Variants in GAPVD1 observed in about 807,000 individuals in gnomAD.
The protein encoded by GAPVD1 is GTPase-activating protein and VPS9 domain-containing protein 1.
A neutral mutation model predicts 155.5 loss-of-function variants in GAPVD1; 35 were observed. That is an observed-to-expected ratio of 0.23 (90% confidence interval 0.17 to 0.30). The LOEUF (loss-of-function observed/expected upper bound fraction) is 0.30, where lower values mean the gene tolerates loss of function less well. Among genes scored for constraint, GAPVD1 ranks in the 10% least tolerant of loss-of-function variants. The probability of loss-of-function intolerance (pLI) is 1.00; values close to 1 mark genes in which losing one functional copy is unlikely to be tolerated. For synonymous variants in GAPVD1, 636 were observed against 619.7 expected (o/e 1.03, Z -0.39); for missense variants, 1,429 against 1,775.7 (o/e 0.80, Z 3.51).
intron 13 of GAPVD1, among the ~76,000 whole-genome samples, chr9:125,330,838 A>T (rs562205464): frequency 1.3e-5 from 2 of 152,216 alleles, no homozygotes; most frequent in African/African-American, 2.4e-5. Context: ...CCACAAACTC[A>T]TGACAGGATA....
At chr9:125,266,217 C>T (rs1037986222) in intron 1 of GAPVD1, among the ~76,000 whole-genome samples, 2 of 151,374 alleles carry the variant, frequency 1.3e-5, no homozygotes, top group Admixed American at 1.3e-4. Context: ...ATCTCCGTCT[C>T]CCGGGTTCCA....
chr9:125,300,038 AATATATATATATATATATATATATAT>A (rs1161744056), intron 4 of GAPVD1, among the ~76,000 whole-genome samples: 1 of 22,926 alleles, frequency 4.4e-5, no homozygotes, highest in African/African-American at 2.0e-4. Flanking sequence ...AAAAAAAAAA[AATATATATATATATATATATATATAT>A]ATATATATAT....
At position 125,364,086 on chromosome 9, in the gene GAPVD1, T is replaced by C. The variant is rs970474354; in HGVS notation, c.*1340T>C. ...TTTTTAACAAACTCAGCCCCATACT[T>C]GAGTCCCTTGTTGTTGGGAGCATTT... On this transcript the variant is annotated 3_prime_UTR_variant, in exon 28 of 28. Coordinates refer to ENST00000297933, the MANE Select transcript of GAPVD1 (RefSeq NM_001282680.3). 17 of 152,398 alleles carry C rather than the reference T, an allele frequency of 1.1e-4. No homozygotes were observed. The highest frequency in any genetic ancestry group is 7.9e-4 in the Admixed American group (12 of 15,282). The allele number at this position is 152,398 out of a possible 1,614,324, so 9.4% of individuals were successfully genotyped here. A position where few individuals can be genotyped will look rare whatever the true frequency, so the allele number is the denominator to read the frequency against.
chr9:125,342,863 AGC>A (rs1848010604), intron 19 of GAPVD1, among the ~76,000 whole-genome samples: 1 of 152,206 alleles, frequency 6.6e-6, no homozygotes, highest in Non-Finnish European at 1.5e-5. Flanking sequence ...AATTTTTTAC[AGC>A]TTGAACCATT....
At chr9:125,354,575 G>C (rs1849791071) in intron 23 of GAPVD1, 79 bp from the exon 24 acceptor site, 2 of 933,296 alleles carry the variant, frequency 2.1e-6, no homozygotes, top group Non-Finnish European at 1.7e-6. Context: ...TTTTTCTAAA[G>C]AAAAGTTAGG....
At chr9:125,333,485 C>CTTT (rs36083522) in intron 15 of GAPVD1, among the ~76,000 whole-genome samples, 9 of 124,352 alleles carry the variant, frequency 7.2e-5, no homozygotes, top group South Asian at 2.7e-4. Context: ...TACCTTTTGT[C>CTTT]TTTTTTTTTT....
At chr9:125,288,695 G>A (rs768085026) in intron 2 of GAPVD1, among the ~76,000 whole-genome samples, 24 of 152,104 alleles carry the variant, frequency 1.6e-4, no homozygotes, top group Non-Finnish European at 3.4e-4. Context: ...CATTCATTTA[G>A]CAAGTACATA....
intron 20 of GAPVD1, among the ~76,000 whole-genome samples, chr9:125,347,782 C>T (rs535438376): frequency 1.5e-4 from 23 of 151,806 alleles, no homozygotes; most frequent in Non-Finnish European, 2.5e-4. Context: ...CTTATATGCA[C>T]GTAGAGTATC....
intron 1 of GAPVD1, among the ~76,000 whole-genome samples, chr9:125,267,316 G>A (rs1564240647): frequency 1.3e-5 from 2 of 152,156 alleles, no homozygotes; most frequent in African/African-American, 2.4e-5. Context: ...GTTCAGTTGC[G>A]CTATCAGGGA....
chr9:125,359,700 T>A, intron 26 of GAPVD1: 1 of 506,558 alleles, frequency 2.0e-6, no homozygotes, highest in Non-Finnish European at 3.5e-6. Context: ...AAGCCAGTTG[T>A]GAGGAGCCCT....
intron 9 of GAPVD1, 129 bp from the exon 10 acceptor site, chr9:125,321,304 C>T (rs1379802660): frequency 1.6e-6 from 1 of 621,818 alleles, no homozygotes; most frequent in South Asian, 2.0e-5. Flanking sequence ...CTTGACAGAC[C>T]TTCTAAATAG....
At chr9:125,349,309 G>T (rs1848971428) in intron 20 of GAPVD1, 81 bp from the exon 21 acceptor site, 2 of 1,145,018 alleles carry the variant, frequency 1.7e-6, no homozygotes, top group Admixed American at 2.1e-5. Flanking sequence ...ATTTATTCTT[G>T]AGTTGCTCTG....
intron 15 of GAPVD1, 24 bp from the exon 16 acceptor site, chr9:125,336,994 C>G: frequency 6.9e-7 from 1 of 1,456,736 alleles, no homozygotes; most frequent in South Asian, 1.1e-5. Flanking sequence ...CTGGCTTGGT[C>G]TCACAGTTTC....
chr9:125,284,492 TAA>T (rs1837322233), intron 2 of GAPVD1, among the ~76,000 whole-genome samples: 1 of 151,310 alleles, frequency 6.6e-6, no homozygotes, highest in African/African-American at 2.4e-5. Context: ...TTTTTTTTTT[TAA>T]AGAGACAGGG....
rs1589157664 is a variant in GAPVD1, at chr9:125,362,864, G to A, written c.*118G>A. 5.4e-5 allele frequency: 41 copies of A among 759,728 alleles called. No individual in the cohort carries two copies. The East Asian group carries it at 1.1e-3, about 20-fold the overall frequency. The allele number at this position is 759,728 out of a possible 1,614,324, so 47.1% of individuals were successfully genotyped here. A position where few individuals can be genotyped will look rare whatever the true frequency, so the allele number is the denominator to read the frequency against. On this transcript the variant is annotated 3_prime_UTR_variant, in exon 28 of 28. Coordinates refer to ENST00000297933, the MANE Select transcript of GAPVD1 (RefSeq NM_001282680.3). ...TTTGTATGATACTGCACAGCATCAG[G>A]CATTTTAAAGCAGATCTTTACTAAA...
intron 1 of GAPVD1, among the ~76,000 whole-genome samples, chr9:125,263,293 A>G (rs1420277413): frequency 6.6e-6 from 1 of 152,198 alleles, no homozygotes; most frequent in Non-Finnish European, 1.5e-5. Context: ...TACTAAAAAT[A>G]CAAAAATTAG....
Position 125,302,247 on chromosome 9 carries a change from T to G in GAPVD1, c.450T>G (p.Leu150=). The G allele has an allele frequency of 1.9e-6, 3 of 1,614,134 alleles. No homozygotes were observed. Among genetic ancestry groups the G allele is most frequent in the Non-Finnish European group, 2.5e-6 (3 of 1,180,000 alleles). The part of the protein sequence containing the change: ...CIMQEDESYL[L]QVLRYLIEFE... ...TGCAAGAAGATGAAAGCTACCTCCT[T>G]CAGGTTTTGCGATACTTGATTGAAT... Residue 150 remains leucine (L), a synonymous_variant, in exon 5 of 28, where the codon CTT becomes CTG. Coordinates refer to ENST00000297933, the MANE Select transcript of GAPVD1 (RefSeq NM_001282680.3).
At chr9:125,295,254 T>C (rs2132693500) in intron 2 of GAPVD1, among the ~76,000 whole-genome samples, 1 of 152,208 alleles carries the variant, frequency 6.6e-6, no homozygotes, top group East Asian at 1.9e-4. Flanking sequence ...TCCTAATGTC[T>C]GTACTTTTCT....
Position 125,313,283 on chromosome 9 carries a change from A to AT in GAPVD1, c.1602+682dup, listed in dbSNP as rs932385721. Among the ~76,000 whole-genome samples, 45 of 145,048 alleles carry AT rather than the reference A, an allele frequency of 3.1e-4. No homozygotes were observed. In the East Asian group the frequency reaches 4.3e-3, roughly 14 times the overall value. ...ACAAACATTCAGATCCTAGCAATGA[A>AT]TTTTTTTTTTTCTTTTTCTTTTTCT... On this transcript the variant is annotated intron_variant, in intron 9 of 27. Transcript: ENST00000297933.
Sources: allele counts gnomAD v4.1 joint callset (sites outside exome capture counted in the v4.1 genomes callset), GRCh38; gene constraint gnomAD v4.1.1; transcripts MANE v1.5; gene names NCBI Gene and HGNC (gene_info 2026-07-23, HGNC 2026-07-21).